REC114: variants seen among roughly 807,000 people sequenced by gnomAD.
REC114 encodes the protein REC114 meiotic recombination protein.
REC114 carries 27 observed loss-of-function variants against 31.3 expected under a neutral mutation model. The ratio of observed to expected loss-of-function variants is 0.86; its 90% CI spans 0.64 to 1.19. The LOEUF (loss-of-function observed/expected upper bound fraction) is 1.19, where lower values mean the gene tolerates loss of function less well. Ranked by LOEUF, REC114 falls within the 50% of genes most tolerant of loss-of-function variation. The probability of loss-of-function intolerance (pLI) is 0.00; values close to 1 mark genes in which losing one functional copy is unlikely to be tolerated. For synonymous variants in REC114, 134 were observed against 127.7 expected (o/e 1.05, Z -0.33); for missense variants, 344 against 326.9 (o/e 1.05, Z -0.40).
chr15:73,507,501 A>G lies in REC114; in HGVS notation c.250-32984A>G, dbSNP rs189052253. Among the ~76,000 whole-genome samples, 565 of 152,268 alleles carry G rather than the reference A, an allele frequency of 3.7e-3. 1 individual carries two copies. Among genetic ancestry groups the G allele is most frequent in the Non-Finnish European group, 5.9e-3 (402 of 68,002 alleles). ...CTGGAGGCTTTATAAGAATTTGGTA[A>G]AATTTCAGTGGTTATCCCTAGGGAG... On this transcript the variant is annotated intron_variant, in intron 2 of 5. Transcript: ENST00000331090.
chr15:73,486,395 CA>C (rs1460463124), intron 2 of REC114, among the ~76,000 whole-genome samples: 1 of 152,186 alleles, frequency 6.6e-6, no homozygotes, highest in African/African-American at 2.4e-5. Context: ...TGTACCCGGC[CA>C]CCATACCTTT....
intron 1 of REC114, among the ~76,000 whole-genome samples, chr15:73,461,535 A>G (rs1277588658): frequency 6.6e-6 from 1 of 152,112 alleles, no homozygotes; most frequent in African/African-American, 2.4e-5. Flanking sequence ...CATTTGGAAT[A>G]CTTTTCTGTA....
Position 73,453,021 on chromosome 15 carries a change from A to G in REC114, c.159+9677A>G, listed in dbSNP as rs114214449. Among the ~76,000 whole-genome samples, 413 of 152,336 alleles carry G rather than the reference A, an allele frequency of 2.7e-3. 1 individual carries two copies. The highest frequency in any genetic ancestry group is 8.7e-3 in the African/African-American group (361 of 41,574). Reference sequence around the variant, plus strand: ...AGACTTAAATATAAGACCTAAAACGATGAAAACCCTAGAAGAAGACCTAGG... The same window carrying G: ...AGACTTAAATATAAGACCTAAAACGGTGAAAACCCTAGAAGAAGACCTAGG... On this transcript the variant is annotated intron_variant, in intron 1 of 5. Coordinates refer to ENST00000331090, the MANE Select transcript of REC114 (RefSeq NM_001042367.2).
intron 1 of REC114, among the ~76,000 whole-genome samples, chr15:73,462,884 C>CAAAAAAAAG (rs1893008473): frequency 1.8e-5 from 1 of 55,658 alleles, no homozygotes; most frequent in African/African-American, 7.1e-5. Flanking sequence ...GACTCCGTCT[C>CAAAAAAAAG]AAAAAAAAAA....
intron 2 of REC114, among the ~76,000 whole-genome samples, chr15:73,516,955 T>C (rs1441482247): frequency 6.6e-6 from 1 of 152,202 alleles, no homozygotes; most frequent in East Asian, 1.9e-4. Flanking sequence ...TGCTCCAAAG[T>C]TGGAGTATTT....
intron 2 of REC114, among the ~76,000 whole-genome samples, chr15:73,478,427 C>A (rs1489542623): frequency 6.6e-6 from 1 of 152,082 alleles, no homozygotes; most frequent in Non-Finnish European, 1.5e-5. Flanking sequence ...TATTTCTGGA[C>A]TCTTTTTTGT....
intron 4 of REC114, among the ~76,000 whole-genome samples, chr15:73,552,939 C>T (rs924034039): frequency 2.0e-5 from 3 of 152,082 alleles, no homozygotes; most frequent in Admixed American, 2.0e-4. Context: ...CTCAGCCTCC[C>T]GAGTAGCTGG....
chr15:73,487,747 G>C lies in REC114; in HGVS notation c.249+13826G>C, dbSNP rs967966534. ...CTACAGTTGTGAGATCTCAGGAGTG[G>C]TGCTGCTCCCGTGGCCTCACTAGAC... On this transcript the variant is annotated intron_variant, in intron 2 of 5. Transcript: ENST00000331090. Among the ~76,000 whole-genome samples, 4 of 152,332 alleles carry C rather than the reference G, an allele frequency of 2.6e-5. No individual in the cohort carries two copies. In the East Asian group the frequency reaches 7.7e-4, roughly 29 times the overall value.
At chr15:73,453,249 A>G (rs1457545063) in intron 1 of REC114, among the ~76,000 whole-genome samples, 2 of 152,248 alleles carry the variant, frequency 1.3e-5, no homozygotes, top group African/African-American at 4.8e-5. Flanking sequence ...CAGAGGGCTA[A>G]TATCCAGAAT....
chr15:73,456,047 GT>G (rs2151252693), intron 1 of REC114, among the ~76,000 whole-genome samples: 1 of 152,244 alleles, frequency 6.6e-6, no homozygotes, highest in South Asian at 2.1e-4. Context: ...CATAATGACT[GT>G]GCAAATGTTT....
Position 73,556,348 on chromosome 15 carries a change from C to G in REC114, c.593C>G (p.Thr198Arg). ...EQQQVCVTAG[T>R]GAPDGRTSLT... ...CAGCAAGTGTGTGTAACAGCGGGCA[C>G]AGGCGCTCCAGACGGAAGGACCTCA... is the stretch of plus-strand genomic sequence containing the variant. The change falls in exon 5 of 6, where the codon ACA (threonine) becomes AGA (arginine). Residue 198 changes from threonine (T) to arginine (R), a missense_variant. Transcript: ENST00000331090. 1 of 1,613,830 alleles carries G rather than the reference C, an allele frequency of 6.2e-7. No individual in the cohort carries two copies. The highest frequency in any genetic ancestry group is 8.5e-7 in the Non-Finnish European group (1 of 1,179,778).
chr15:73,531,515 G>A (rs978101265), intron 2 of REC114, among the ~76,000 whole-genome samples: 5 of 152,254 alleles, frequency 3.3e-5, no homozygotes, highest in South Asian at 4.1e-4. Flanking sequence ...GTAGTGTGGC[G>A]CCCCATCTTG....
At chr15:73,498,721 T>A (rs1595870490) in intron 2 of REC114, among the ~76,000 whole-genome samples, 1 of 152,258 alleles carries the variant, frequency 6.6e-6, no homozygotes, top group South Asian at 2.1e-4. Context: ...AAGAATAAGA[T>A]CACAGTAAAT....
At chr15:73,518,588 T>C (rs1383584926) in intron 2 of REC114, among the ~76,000 whole-genome samples, 2 of 152,250 alleles carry the variant, frequency 1.3e-5, no homozygotes, top group Non-Finnish European at 2.9e-5. Flanking sequence ...AGGCCAGGCC[T>C]GAATCACCTG....
intron 2 of REC114, among the ~76,000 whole-genome samples, chr15:73,527,844 C>T (rs904306072): frequency 1.3e-5 from 2 of 152,144 alleles, no homozygotes; most frequent in African/African-American, 2.4e-5. Flanking sequence ...AGCTACATCA[C>T]TGACAGCTTG....
intron 3 of REC114, among the ~76,000 whole-genome samples, chr15:73,548,329 G>A (rs932373421): frequency 1.3e-5 from 2 of 152,148 alleles, no homozygotes; most frequent in Non-Finnish European, 2.9e-5. Flanking sequence ...GGATGGCCTC[G>A]ATCTCTTGAC....
At chr15:73,480,518 G>T (rs1893280292) in intron 2 of REC114, among the ~76,000 whole-genome samples, 1 of 151,978 alleles carries the variant, frequency 6.6e-6, no homozygotes, top group Admixed American at 6.6e-5. Context: ...ATTTTCATCA[G>T]TTCATGCCAT....
At chr15:73,538,764 T>C (rs955363648) in intron 2 of REC114, among the ~76,000 whole-genome samples, 1 of 152,122 alleles carries the variant, frequency 6.6e-6, no homozygotes, top group Non-Finnish European at 1.5e-5. Context: ...TCAAATTCTA[T>C]TTCTACTGGA....
intron 1 of REC114, among the ~76,000 whole-genome samples, chr15:73,455,219 C>G (rs1892900070): frequency 6.6e-6 from 1 of 152,072 alleles, no homozygotes; most frequent in Admixed American, 6.5e-5. Context: ...ATCTAAAGAA[C>G]TGTACTCTCT....
Sources: gnomAD v4.1 joint callset for allele counts (sites outside exome capture counted in the v4.1 genomes callset) on GRCh38, gnomAD v4.1.1 for gene constraint, MANE v1.5 for transcripts, NCBI Gene and HGNC (gene_info 2026-07-23, HGNC 2026-07-21) for gene names.